CTNND2: variants seen among roughly 807,000 people sequenced by gnomAD.
The protein encoded by CTNND2 is catenin delta 2.
CTNND2 carries 22 observed loss-of-function variants against 144.4 expected under a neutral mutation model. The observed-to-expected ratio is 0.15, with a 90% CI of 0.11 to 0.22. The LOEUF is 0.22. Among genes scored for constraint, CTNND2 ranks in the 10% least tolerant of loss-of-function variants. The probability of loss-of-function intolerance (pLI) is 1.00; values close to 1 mark genes in which losing one functional copy is unlikely to be tolerated. For synonymous variants in CTNND2, 751 were observed against 695.6 expected, an observed-to-expected ratio of 1.08 and a Z score of -1.25; for missense variants, 1,353 against 1,618.8, an observed-to-expected ratio of 0.84 and a Z score of 2.82.
At chr5:11,399,452 G>C (rs39921) in intron 5 of CTNND2, among the ~76,000 whole-genome samples, 16,522 of 152,202 alleles carry the variant, frequency 0.11, 1,248 homozygotes, top group African/African-American at 0.22. Context: ...CTGAAGAACT[G>C]TTTTGAGTAT....
intron 10 of CTNND2, among the ~76,000 whole-genome samples, chr5:11,231,939 G>A (rs560526739): frequency 1.1e-4 from 17 of 152,242 alleles, no homozygotes; most frequent in Non-Finnish European, 2.4e-4. Flanking sequence ...CTGCGTCCCA[G>A]ATGCTTTGGC....
intron 10 of CTNND2, among the ~76,000 whole-genome samples, chr5:11,209,927 C>G (rs1342102999): frequency 6.6e-6 from 1 of 151,644 alleles, no homozygotes; most frequent in Non-Finnish European, 1.5e-5. Context: ...CTCAAACAAA[C>G]AACAACAAAA....
intron 2 of CTNND2, among the ~76,000 whole-genome samples, chr5:11,728,544 A>C (rs1194966940): frequency 2.0e-5 from 3 of 152,178 alleles, no homozygotes; most frequent in Non-Finnish European, 4.4e-5. Context: ...GTACAATAAG[A>C]AAAACTAAAA....
chr5:11,530,695 C>A (rs913485246), intron 3 of CTNND2, among the ~76,000 whole-genome samples: 2 of 152,152 alleles, frequency 1.3e-5, no homozygotes, highest in Non-Finnish European at 2.9e-5. Flanking sequence ...AGGGGCAGAG[C>A]CTTAACAATA....
intron 3 of CTNND2, among the ~76,000 whole-genome samples, chr5:11,437,658 A>T (rs186456566): frequency 1.3e-5 from 2 of 152,300 alleles, no homozygotes; most frequent in East Asian, 3.9e-4. Flanking sequence ...CCCAAAGAGT[A>T]AGTTTGGGAC....
chr5:10,973,437 G>T lies in CTNND2; in HGVS notation c.*16C>A, dbSNP rs374759152. On this transcript the variant is annotated 3_prime_UTR_variant, in exon 22 of 22. Coordinates refer to ENST00000304623, the MANE Select transcript of CTNND2 (RefSeq NM_001332.4). This position sits in a 1 kb window ranked among gnomAD's most constrained non-coding sequence, Gnocchi z 5.6. Reference sequence around the variant, plus strand: ...CATGCACATGCACTGTTCCCGGAGCGCCTGTGCCCTGCTCCTCACACCCAG... The same window carrying T: ...CATGCACATGCACTGTTCCCGGAGCTCCTGTGCCCTGCTCCTCACACCCAG... 4.5e-6 allele frequency: 7 copies of T among 1,554,084 alleles called. No homozygotes were observed. Among genetic ancestry groups the T allele is most frequent in the Middle Eastern group, 1.7e-4 (1 of 5,780 alleles).
At chr5:11,775,354 G>A (rs182858735) in intron 1 of CTNND2, among the ~76,000 whole-genome samples, 2 of 152,166 alleles carry the variant, frequency 1.3e-5, no homozygotes, top group African/African-American at 4.8e-5. Context: ...CTGAATATCC[G>A]TTTCCTCAAA....
chr5:11,392,156 C>T (rs1759688579), intron 6 of CTNND2, among the ~76,000 whole-genome samples: 1 of 152,144 alleles, frequency 6.6e-6, no homozygotes, highest in Admixed American at 6.5e-5. Flanking sequence ...GATTCATTTT[C>T]CCCAGGTCTC....
intron 15 of CTNND2, among the ~76,000 whole-genome samples, chr5:11,093,209 A>C (rs947062109): frequency 1.3e-5 from 2 of 152,256 alleles, no homozygotes; most frequent in Admixed American, 6.5e-5. Flanking sequence ...GTTTGACTTC[A>C]TAGCAAGTAC....
intron 2 of CTNND2, among the ~76,000 whole-genome samples, chr5:11,649,001 T>G (rs1782506134): frequency 6.6e-6 from 1 of 152,182 alleles, no homozygotes; most frequent in Non-Finnish European, 1.5e-5. Context: ...TCCCATCCCT[T>G]TCAGAAAAAA....
chr5:11,141,759 C>T (rs1756752573), intron 12 of CTNND2, among the ~76,000 whole-genome samples: 1 of 152,198 alleles, frequency 6.6e-6, no homozygotes, highest in Non-Finnish European at 1.5e-5. Context: ...CAATTTTGGT[C>T]TGCAGATGAA....
intron 10 of CTNND2, among the ~76,000 whole-genome samples, chr5:11,205,231 T>TAC (rs529272044): frequency 1.1e-3 from 164 of 151,944 alleles, no homozygotes; most frequent in African/African-American, 3.7e-3. Context: ...ATATATAGTA[T>TAC]ACACACACAC....
At chr5:11,714,049 T>G (rs1277916461) in intron 2 of CTNND2, among the ~76,000 whole-genome samples, 1 of 152,218 alleles carries the variant, frequency 6.6e-6, no homozygotes, top group Non-Finnish European at 1.5e-5. Flanking sequence ...ATATTTAACT[T>G]TGTTACACGG....
chr5:11,645,492 C>T (rs1782299091), intron 2 of CTNND2, among the ~76,000 whole-genome samples: 1 of 152,170 alleles, frequency 6.6e-6, no homozygotes, highest in Non-Finnish European at 1.5e-5. Context: ...GTTATGTATA[C>T]TAAATTCAAT....
At chr5:11,471,659 G>A (rs1024058126) in intron 3 of CTNND2, among the ~76,000 whole-genome samples, 5 of 152,152 alleles carry the variant, frequency 3.3e-5, no homozygotes, top group Admixed American at 1.3e-4. Context: ...AAAAGCTCAG[G>A]AAGTTCATTC....
At chr5:11,302,537 C>T (rs1307087230) in intron 9 of CTNND2, among the ~76,000 whole-genome samples, 1 of 152,086 alleles carries the variant, frequency 6.6e-6, no homozygotes, top group Non-Finnish European at 1.5e-5. Context: ...CGGTAAATGC[C>T]GCATGTGGGA....
chr5:11,311,323 C>T (rs1395298446), intron 9 of CTNND2, among the ~76,000 whole-genome samples: 1 of 143,326 alleles, frequency 7.0e-6, no homozygotes, highest in East Asian at 2.3e-4. Flanking sequence ...CACCCTCACC[C>T]CACATGCCCT....
At chr5:11,559,847 C>T (rs574356483) in intron 3 of CTNND2, among the ~76,000 whole-genome samples, 1 of 152,312 alleles carries the variant, frequency 6.6e-6, no homozygotes. Context: ...CCTTCTGACG[C>T]CCAGTGCCAG....
intron 1 of CTNND2, among the ~76,000 whole-genome samples, chr5:11,847,508 A>G (rs1340305129): frequency 6.6e-6 from 1 of 151,976 alleles, no homozygotes. Context: ...GTAATAGGAC[A>G]GTTTGGTCAG....
Sources: allele counts gnomAD v4.1 joint callset (sites outside exome capture counted in the v4.1 genomes callset), GRCh38; gene constraint gnomAD v4.1.1; non-coding constraint Gnocchi (gnomAD v3.1); transcripts MANE v1.5; gene names NCBI Gene and HGNC (gene_info 2026-07-23, HGNC 2026-07-21).